Variants in SNTA1 observed in about 807,000 individuals in gnomAD.
SNTA1 encodes syntrophin alpha 1.
In SNTA1, 31 loss-of-function variants were observed where a neutral mutation model predicts 47.1. The ratio of observed to expected loss-of-function variants is 0.66; its 90% CI spans 0.49 to 0.89. SNTA1 has a LOEUF of 0.89. Among genes scored for constraint, SNTA1 ranks in the 40% least tolerant of loss-of-function variants. SNTA1 has a pLI of 0.00. For missense variants in SNTA1, 575 were observed against 693.0 expected (o/e 0.83, Z 1.91); for synonymous variants, 300 against 313.6 (o/e 0.96, Z 0.46).
rs763355692 is a variant in SNTA1, at chr20:33,434,701, CTT to C, written c.496+4138_496+4139del. On this transcript the variant is annotated intron_variant, in intron 2 of 7. Transcript: ENST00000217381. ...CACCAGTGGAGCTGACGCTTACACT[CTT>C]TTTTTTTTTTTTCCTACAGAGATGA... 1.4e-4 allele frequency among the ~76,000 whole-genome samples: 21 copies of C among 145,094 alleles called. 1 individual carries two copies. In the South Asian group the frequency reaches 3.0e-3, roughly 21 times the overall value.
intron 2 of SNTA1, among the ~76,000 whole-genome samples, chr20:33,435,295 G>A (rs1056806328): frequency 8.7e-5 from 13 of 149,236 alleles, no homozygotes; most frequent in Non-Finnish European, 8.9e-5. Flanking sequence ...CCTAGCCACC[G>A]GCTTTTAAAG....
At chr20:33,440,170 AT>A (rs1010804085) in intron 1 of SNTA1, among the ~76,000 whole-genome samples, 2 of 151,774 alleles carry the variant, frequency 1.3e-5, no homozygotes, top group Non-Finnish European at 1.5e-5. Context: ...AAATAAAAAA[AT>A]ATGGCTGGGC....
intron 5 of SNTA1, 132 bp from the exon 6 acceptor site, chr20:33,410,463 G>C: frequency 3.1e-6 from 2 of 643,342 alleles, no homozygotes; most frequent in South Asian, 3.7e-5. Context: ...ACTTGCCAGG[G>C]GGCACTGATT....
rs1020852247 is a variant in SNTA1 at position 33,418,832 on chromosome 20, G to T, written c.497-909C>A. Among the ~76,000 whole-genome samples, 7 of 146,944 alleles carry T rather than the reference G, an allele frequency of 4.8e-5. No individual in the cohort carries two copies. In the South Asian group the frequency reaches 1.5e-3, roughly 31 times the overall value. ...AAAAAAAAAAAAAAAAGACTCCCAG[G>T]CTGGGCATGGTGGCTCATGCCTGTA... On this transcript the variant is annotated intron_variant, in intron 2 of 7. Coordinates refer to ENST00000217381, the MANE Select transcript of SNTA1 (RefSeq NM_003098.3).
intron 2 of SNTA1, among the ~76,000 whole-genome samples, chr20:33,422,957 C>T (rs181597966): frequency 1.2e-4 from 18 of 152,258 alleles, no homozygotes; most frequent in Admixed American, 5.2e-4. Flanking sequence ...CAGTCCCCTA[C>T]GCCTCACTCC....
chr20:33,441,193 G>A (rs1321485443), intron 1 of SNTA1, among the ~76,000 whole-genome samples: 1 of 152,196 alleles, frequency 6.6e-6, no homozygotes, highest in African/African-American at 2.4e-5. Flanking sequence ...ACATAGGTAT[G>A]TTCAGTTTCC....
intron 2 of SNTA1, among the ~76,000 whole-genome samples, chr20:33,429,034 C>T (rs1600855004): frequency 6.6e-6 from 1 of 151,272 alleles, no homozygotes; most frequent in Non-Finnish European, 1.5e-5. Flanking sequence ...AAGCAAGACT[C>T]GGTCTCAAAA....
At chr20:33,416,231 A>T (rs766668956) in intron 3 of SNTA1, among the ~76,000 whole-genome samples, 3 of 152,224 alleles carry the variant, frequency 2.0e-5, no homozygotes, top group Non-Finnish European at 2.9e-5. Flanking sequence ...TGGATGCTGG[A>T]CGTTAACCAG....
At chr20:33,418,852 C>T (rs1340955078) in intron 2 of SNTA1, among the ~76,000 whole-genome samples, 1 of 148,476 alleles carries the variant, frequency 6.7e-6, no homozygotes, top group Non-Finnish European at 1.5e-5. Context: ...GTGGCTCATG[C>T]CTGTAATTCC....
intron 2 of SNTA1, among the ~76,000 whole-genome samples, chr20:33,422,493 G>A (rs1045372811): frequency 4.0e-5 from 6 of 150,696 alleles, no homozygotes; most frequent in African/African-American, 1.5e-4. Context: ...TTCAAACCCA[G>A]AGTTGGCTGG....
At position 33,408,540 on chromosome 20, in the gene SNTA1, C is replaced by T. The variant is rs374100952; in HGVS notation, c.1485G>A (p.Ser495=). ...TIVFIIHSFL[S]AKVTRLGLLA ...ACAGCCCGAGGCGGGTGACTTTGGC[C>T]GACAGGAAGGAGTGGATGATGAAGA... Residue 495 remains serine (S), a synonymous_variant, in exon 8 of 8, where the codon TCG becomes TCA. Transcript: ENST00000217381. 6.2e-6 allele frequency: 10 copies of T among 1,614,094 alleles called. No individual in the cohort carries two copies. Among genetic ancestry groups the T allele is most frequent in the Middle Eastern group, 1.6e-4 (1 of 6,062 alleles).
chr20:33,419,118 A>T (rs1172741543), intron 2 of SNTA1, among the ~76,000 whole-genome samples: 1 of 152,058 alleles, frequency 6.6e-6, no homozygotes, highest in Non-Finnish European at 1.5e-5. Context: ...AAAAAAAAAA[A>T]TGATGACTTT....
At chr20:33,413,923 G>A (rs972525554) in intron 3 of SNTA1, among the ~76,000 whole-genome samples, 2 of 150,244 alleles carry the variant, frequency 1.3e-5, no homozygotes, top group Non-Finnish European at 3.0e-5. Flanking sequence ...CTAGATGACA[G>A]CACAAGACCT....
intron 3 of SNTA1, among the ~76,000 whole-genome samples, chr20:33,413,011 GT>G (rs1989783290): frequency 1.3e-5 from 2 of 152,238 alleles, no homozygotes; most frequent in African/African-American, 4.8e-5. Context: ...ATTTTGTGGG[GT>G]TTTTGTTGTT....
At chr20:33,430,364 C>T (rs1411015660) in intron 2 of SNTA1, among the ~76,000 whole-genome samples, 1 of 149,282 alleles carries the variant, frequency 6.7e-6, no homozygotes, top group African/African-American at 2.5e-5. Context: ...TCTCAGCTCA[C>T]TGCAACCTCC....
chr20:33,433,680 G>A (rs996391046), intron 2 of SNTA1, among the ~76,000 whole-genome samples: 1 of 152,184 alleles, frequency 6.6e-6, no homozygotes, highest in Non-Finnish European at 1.5e-5. Context: ...CTTCCCCCAG[G>A]CCTGGCCTTC....
intron 2 of SNTA1, among the ~76,000 whole-genome samples, chr20:33,424,158 T>C (rs1442050128): frequency 6.6e-6 from 1 of 151,498 alleles, no homozygotes; most frequent in Admixed American, 6.6e-5. Flanking sequence ...CTACTAAAAA[T>C]ACAAAATTAG....
intron 2 of SNTA1, among the ~76,000 whole-genome samples, chr20:33,419,963 G>A (rs976214159): frequency 3.0e-4 from 46 of 151,444 alleles, no homozygotes; most frequent in Non-Finnish European, 2.1e-4. Flanking sequence ...TCACTCTGTC[G>A]CCCAGGCTGG....
intron 2 of SNTA1, among the ~76,000 whole-genome samples, chr20:33,435,735 T>A (rs1234730966): frequency 6.6e-6 from 1 of 152,218 alleles, no homozygotes; most frequent in Non-Finnish European, 1.5e-5. Context: ...TAGATGTCCA[T>A]GAATGTCTCT....
Sources: allele counts gnomAD v4.1 joint callset (sites outside exome capture counted in the v4.1 genomes callset), GRCh38; gene constraint gnomAD v4.1.1; transcripts MANE v1.5; gene names NCBI Gene and HGNC (gene_info 2026-07-23, HGNC 2026-07-21).